CACNA2D1: variants seen among roughly 807,000 people sequenced by gnomAD.
CACNA2D1 encodes calcium voltage-gated channel auxiliary subunit alpha2delta 1.
In CACNA2D1, 53 loss-of-function variants were observed where a neutral mutation model predicts 171.5. The observed-to-expected ratio is 0.31, with a 90% CI of 0.25 to 0.39. The LOEUF (loss-of-function observed/expected upper bound fraction) is 0.39, where lower values mean the gene tolerates loss of function less well. CACNA2D1 is among the 10% of genes least tolerant of loss of function. The probability of loss-of-function intolerance (pLI) is 1.00; values close to 1 mark genes in which losing one functional copy is unlikely to be tolerated. For missense variants in CACNA2D1, 903 were observed against 1,299.8 expected, an observed-to-expected ratio of 0.69 and a Z score of 4.69; for synonymous variants, 442 against 443.1, an observed-to-expected ratio of 1.00 and a Z score of 0.03.
At chr7:82,251,910 G>A (rs747851193) in intron 3 of CACNA2D1, among the ~76,000 whole-genome samples, 13 of 152,020 alleles carry the variant, frequency 8.6e-5, no homozygotes, top group Non-Finnish European at 1.5e-4. Context: ...GTTATGAGTC[G>A]CAGAACTACA....
chr7:82,018,847 G>A lies in CACNA2D1; in HGVS notation c.1144-4368C>T, dbSNP rs534197826. On this transcript the variant is annotated intron_variant, in intron 12 of 38. Transcript: ENST00000356860. ...AAAAATACAAAAATTAGCTGAGCATGGTGGCTCACGCCTGTAATCCCAGCT... is the reference window on the plus strand; with the variant it reads ...AAAAATACAAAAATTAGCTGAGCATAGTGGCTCACGCCTGTAATCCCAGCT... Among the ~76,000 whole-genome samples the A allele has an allele frequency of 2.6e-5, 4 of 151,982 alleles. No homozygotes were observed. In the East Asian group the frequency reaches 7.8e-4, roughly 30 times the overall value.
At chr7:82,363,816 A>T (rs1585662167) in intron 1 of CACNA2D1, among the ~76,000 whole-genome samples, 1 of 152,228 alleles carries the variant, frequency 6.6e-6, no homozygotes, top group South Asian at 2.1e-4. Context: ...TAATGGATGG[A>T]CTGGGTCTGA....
chr7:82,021,974 G>A (rs1801271138), intron 12 of CACNA2D1, among the ~76,000 whole-genome samples: 1 of 151,824 alleles, frequency 6.6e-6, no homozygotes, highest in Non-Finnish European at 1.5e-5. Context: ...AATTTTACTT[G>A]GAATTTCAAG....
At chr7:82,055,148 G>A (rs989987545) in intron 10 of CACNA2D1, among the ~76,000 whole-genome samples, 2 of 152,146 alleles carry the variant, frequency 1.3e-5, no homozygotes, top group Admixed American at 1.3e-4. Context: ...GCAAAAGTCA[G>A]AACATCAATA....
rs139690522 is a variant in CACNA2D1, at chr7:82,433,774, A to G, written c.95+9591T>C. ...CCCTTCTCACCAGAGCCTTTTTCTG[A>G]GAATCGGCTCTTCCCCTATCCAGGG... On this transcript the variant is annotated intron_variant, in intron 1 of 38. Coordinates refer to ENST00000356860, the MANE Select transcript of CACNA2D1 (RefSeq NM_000722.4). Among the ~76,000 whole-genome samples the G allele has an allele frequency of 5.4e-3, 820 of 152,240 alleles. 4 individuals carry two copies. The highest frequency in any genetic ancestry group is 0.019 in the African/African-American group (770 of 41,540).
intron 3 of CACNA2D1, among the ~76,000 whole-genome samples, chr7:82,196,226 T>C (rs746692082): frequency 7.9e-5 from 12 of 152,104 alleles, no homozygotes; most frequent in Non-Finnish European, 1.6e-4. Context: ...AATAACTCTC[T>C]TTAAAGTAAG....
At chr7:82,345,769 T>C (rs546381633) in intron 2 of CACNA2D1, among the ~76,000 whole-genome samples, 40 of 152,104 alleles carry the variant, frequency 2.6e-4, no homozygotes, top group Non-Finnish European at 5.4e-4. Context: ...AAAATACATA[T>C]ATATTTTTCT....
chr7:82,339,757 T>C (rs866057552), intron 2 of CACNA2D1, among the ~76,000 whole-genome samples: 40 of 152,136 alleles, frequency 2.6e-4, no homozygotes, highest in Middle Eastern at 6.3e-3. Flanking sequence ...TACTGAGCAA[T>C]AGAATTGGTG....
At chr7:82,317,122 A>G (rs1815223411) in intron 3 of CACNA2D1, among the ~76,000 whole-genome samples, 1 of 152,236 alleles carries the variant, frequency 6.6e-6, no homozygotes. Context: ...CATTAACTAT[A>G]CCATACATGT....
intron 24 of CACNA2D1, among the ~76,000 whole-genome samples, chr7:81,977,306 A>C (rs1191120602): frequency 6.6e-6 from 1 of 152,134 alleles, no homozygotes; most frequent in Non-Finnish European, 1.5e-5. Context: ...CAATTGAGGT[A>C]ATCATGTGGT....
intron 16 of CACNA2D1, 148 bp downstream of exon 16, chr7:82,007,531 A>T (rs912694730): frequency 8.4e-6 from 5 of 597,184 alleles, no homozygotes; most frequent in African/African-American, 7.5e-5. Context: ...CCAGGTGGTT[A>T]TCGCATAGGC....
chr7:82,308,496 A>C (rs1814018739), intron 3 of CACNA2D1, among the ~76,000 whole-genome samples: 1 of 152,162 alleles, frequency 6.6e-6, no homozygotes, highest in African/African-American at 2.4e-5. Flanking sequence ...TCGGTAATCT[A>C]GTTAATTTAA....
intron 1 of CACNA2D1, among the ~76,000 whole-genome samples, chr7:82,422,976 A>G (rs1252902620): frequency 6.6e-6 from 1 of 152,286 alleles, no homozygotes; most frequent in South Asian, 2.1e-4. Flanking sequence ...AAGCTCTGCA[A>G]TTCTCACTAT....
chr7:82,307,550 GAA>G (rs1395986481), intron 3 of CACNA2D1, among the ~76,000 whole-genome samples: 2 of 150,382 alleles, frequency 1.3e-5, no homozygotes, highest in Non-Finnish European at 3.0e-5. Flanking sequence ...TTCTTATAAA[GAA>G]TTATATAAGA....
intron 24 of CACNA2D1, among the ~76,000 whole-genome samples, chr7:81,974,756 G>C (rs1562804439): frequency 7.2e-6 from 1 of 139,718 alleles, no homozygotes; most frequent in African/African-American, 2.7e-5. Context: ...TGAATTAAAC[G>C]TTTGGCCTTT....
At chr7:82,217,183 T>A (rs560703762) in intron 3 of CACNA2D1, among the ~76,000 whole-genome samples, 13 of 151,892 alleles carry the variant, frequency 8.6e-5, no homozygotes, top group African/African-American at 3.1e-4. Context: ...ACCTTTTTCC[T>A]GGACCCTTAA....
At chr7:82,034,647 TTG>T (rs1441548314) in intron 11 of CACNA2D1, among the ~76,000 whole-genome samples, 1 of 152,044 alleles carries the variant, frequency 6.6e-6, no homozygotes, top group Admixed American at 6.6e-5. Context: ...CTCTAGTGAT[TTG>T]TCTTTTTTAT....
intron 7 of CACNA2D1, among the ~76,000 whole-genome samples, chr7:82,084,000 C>T (rs1810128137): frequency 6.6e-6 from 1 of 152,044 alleles, no homozygotes; most frequent in South Asian, 2.1e-4. Context: ...TAACTCAGAT[C>T]ATGTTTGAGA....
chr7:82,141,711 T>C (rs1792418621), intron 4 of CACNA2D1, among the ~76,000 whole-genome samples: 1 of 152,232 alleles, frequency 6.6e-6, no homozygotes, highest in Non-Finnish European at 1.5e-5. Context: ...TTGGATGACA[T>C]GACCACATAA....
Sources: gnomAD v4.1 joint callset for allele counts (sites outside exome capture counted in the v4.1 genomes callset) on GRCh38, gnomAD v4.1.1 for gene constraint, MANE v1.5 for transcripts, NCBI Gene and HGNC (gene_info 2026-07-23, HGNC 2026-07-21) for gene names.